The following SNTG1 variants were observed in gnomAD, a reference collection of about 807,000 sequenced individuals.
SNTG1 encodes the protein syntrophin gamma 1, also known as gamma-1-syntrophin.
SNTG1 carries 39 observed loss-of-function variants against 74.7 expected under a neutral mutation model. The observed-to-expected ratio is 0.52, with a 90% CI of 0.40 to 0.68. SNTG1 has a LOEUF of 0.68. Ranked by LOEUF, SNTG1 falls within the 30% of genes least tolerant of loss-of-function variation. SNTG1 has a pLI of 0.00. For synonymous variants in SNTG1, 254 were observed against 217.1 expected, an observed-to-expected ratio of 1.17 and a Z score of -1.49; for missense variants, 685 against 609.5, an observed-to-expected ratio of 1.12 and a Z score of -1.30.
intron 18 of SNTG1, among the ~76,000 whole-genome samples, chr8:50,788,921 C>G (rs1347438457): frequency 6.6e-6 from 1 of 151,984 alleles, no homozygotes; most frequent in Non-Finnish European, 1.5e-5. Context: ...TCACCCTGCT[C>G]AAGAATACAG....
intron 4 of SNTG1, among the ~76,000 whole-genome samples, chr8:50,431,322 G>A (rs1053433567): frequency 6.6e-6 from 1 of 152,114 alleles, no homozygotes; most frequent in Non-Finnish European, 1.5e-5. Context: ...AGGAGATATT[G>A]ATAACATGGG....
intron 1 of SNTG1, among the ~76,000 whole-genome samples, chr8:50,112,555 C>T (rs2080640152): frequency 1.1e-5 from 1 of 88,960 alleles, no homozygotes; most frequent in Non-Finnish European, 2.0e-5. Context: ...CAGATTCTTG[C>T]TCTGTCACCC....
intron 1 of SNTG1, among the ~76,000 whole-genome samples, chr8:50,122,829 T>C (rs2081040847): frequency 7.0e-6 from 1 of 142,038 alleles, no homozygotes; most frequent in South Asian, 2.6e-4. Flanking sequence ...GAAAACCAAA[T>C]TGTATGAGCT....
At chr8:50,781,415 G>T (rs1175779221) in intron 18 of SNTG1, among the ~76,000 whole-genome samples, 15 of 152,154 alleles carry the variant, frequency 9.9e-5, no homozygotes, top group South Asian at 4.2e-4. Context: ...ATATTTAGGA[G>T]AGTTAGCTCT....
intron 2 of SNTG1, among the ~76,000 whole-genome samples, chr8:50,185,218 T>G (rs1159383710): frequency 6.6e-6 from 1 of 152,100 alleles, no homozygotes; most frequent in East Asian, 1.9e-4. Context: ...CTCATGATAA[T>G]GACTGAGTCT....
intron 13 of SNTG1, among the ~76,000 whole-genome samples, chr8:50,629,493 A>G (rs548832252): frequency 5.3e-5 from 8 of 152,182 alleles, no homozygotes; most frequent in Admixed American, 4.6e-4. Context: ...TAATCTAACA[A>G]ATCCTTACTG....
chr8:50,034,300 C>A (rs574529946), intron 1 of SNTG1, among the ~76,000 whole-genome samples: 36 of 152,166 alleles, frequency 2.4e-4, no homozygotes. Flanking sequence ...CTCCTATATT[C>A]ATTTTATTGA....
chr8:50,443,099 T>C (rs1038793839), intron 5 of SNTG1, among the ~76,000 whole-genome samples: 1 of 152,228 alleles, frequency 6.6e-6, no homozygotes, highest in Non-Finnish European at 1.5e-5. Flanking sequence ...TTCTGCATCG[T>C]AGGATCCAAT....
chr8:50,303,701 T>A (rs974801406), intron 2 of SNTG1, among the ~76,000 whole-genome samples: 5 of 152,022 alleles, frequency 3.3e-5, no homozygotes, highest in African/African-American at 1.2e-4. Flanking sequence ...ATATAATTTT[T>A]AAAAAACGAT....
intron 2 of SNTG1, among the ~76,000 whole-genome samples, chr8:50,284,583 T>G (rs2088658337): frequency 6.6e-6 from 1 of 152,194 alleles, no homozygotes; most frequent in African/African-American, 2.4e-5. Flanking sequence ...AACCACAAAA[T>G]GCTCCAATTT....
At chr8:50,610,979 A>AG (rs2094845663) in intron 13 of SNTG1, among the ~76,000 whole-genome samples, 3 of 151,720 alleles carry the variant, frequency 2.0e-5, no homozygotes, top group Middle Eastern at 6.8e-3. Context: ...GAAATAGCAA[A>AG]AAAAAATTAA....
At chr8:50,219,172 C>T (rs941747290) in intron 2 of SNTG1, among the ~76,000 whole-genome samples, 2 of 152,134 alleles carry the variant, frequency 1.3e-5, no homozygotes, top group African/African-American at 4.8e-5. Context: ...CAATGACAGG[C>T]TGGTTACAAG....
At chr8:50,421,457 A>G (rs139353918) in intron 4 of SNTG1, among the ~76,000 whole-genome samples, 1 of 152,100 alleles carries the variant, frequency 6.6e-6, no homozygotes, top group South Asian at 2.1e-4. Context: ...GGAACACCAG[A>G]GGCCACTCGT....
At chr8:50,310,603 G>A (rs952475641) in intron 2 of SNTG1, among the ~76,000 whole-genome samples, 7 of 152,104 alleles carry the variant, frequency 4.6e-5, no homozygotes, top group African/African-American at 9.7e-5. Flanking sequence ...CAGGAGAATC[G>A]CTTGAACCTG....
At chr8:50,325,184 A>G (rs965219374) in intron 2 of SNTG1, among the ~76,000 whole-genome samples, 3 of 151,406 alleles carry the variant, frequency 2.0e-5, no homozygotes, top group East Asian at 1.9e-4. Flanking sequence ...TTGTTCTACA[A>G]TATTGTATTG....
intron 8 of SNTG1, among the ~76,000 whole-genome samples, chr8:50,496,604 C>A (rs182160266): frequency 6.6e-6 from 1 of 152,188 alleles, no homozygotes; most frequent in East Asian, 1.9e-4. Context: ...ATGAATGGAA[C>A]TTAAGAGCTT....
chr8:50,718,843 GTTATT>G (rs2095480961), intron 17 of SNTG1, among the ~76,000 whole-genome samples: 1 of 152,210 alleles, frequency 6.6e-6, no homozygotes, highest in African/African-American at 2.4e-5. Flanking sequence ...TAATTTGTCA[GTTATT>G]TTATTTTATA....
intron 2 of SNTG1, among the ~76,000 whole-genome samples, chr8:50,339,795 A>G (rs2130928917): frequency 6.6e-6 from 1 of 152,106 alleles, no homozygotes; most frequent in Middle Eastern, 3.4e-3. Context: ...TATTCATCCT[A>G]CTATGTCAAC....
At chr8:49,971,718 A>G (rs975313419) in intron 1 of SNTG1, among the ~76,000 whole-genome samples, 3 of 152,168 alleles carry the variant, frequency 2.0e-5, no homozygotes, top group African/African-American at 7.2e-5. Flanking sequence ...TTATACACCA[A>G]TAACAGACAA....
Sources: gnomAD v4.1 joint callset for allele counts (sites outside exome capture counted in the v4.1 genomes callset) on GRCh38, gnomAD v4.1.1 for gene constraint, MANE v1.5 for transcripts, NCBI Gene and HGNC (gene_info 2026-07-23, HGNC 2026-07-21) for gene names.